ZEB2: variants seen among roughly 807,000 people sequenced by gnomAD.
The protein encoded by ZEB2 is zinc finger E-box-binding homeobox 2.
In ZEB2, 6 loss-of-function variants were observed where a neutral mutation model predicts 99.9. The ratio of observed to expected loss-of-function variants is 0.06; its 90% CI spans 0.03 to 0.12. The LOEUF is 0.12. Ranked by LOEUF, ZEB2 falls within the 10% of genes least tolerant of loss-of-function variation. ZEB2 has a pLI of 1.00. For synonymous variants in ZEB2, 517 were observed against 542.5 expected (o/e 0.95, Z 0.65); for missense variants, 969 against 1,502.8 (o/e 0.64, Z 5.87).
At chr2:144,403,650 T>A (rs1703342869) in intron 6 of ZEB2, among the ~76,000 whole-genome samples, 1 of 152,148 alleles carries the variant, frequency 6.6e-6, no homozygotes, top group African/African-American at 2.4e-5. Context: ...TTGTGGAACA[T>A]AAAAATGAAA....
chr2:144,425,059 C>T (rs1038973592), intron 3 of ZEB2, 192 bp from the exon 4 acceptor site: 8 of 609,416 alleles, frequency 1.3e-5, no homozygotes, highest in African/African-American at 1.1e-4. Flanking sequence ...AACTTATTTA[C>T]TTTAAGCATT....
chr2:144,492,286 CA>C (rs1158763686), intron 2 of ZEB2, among the ~76,000 whole-genome samples: 1 of 152,124 alleles, frequency 6.6e-6, no homozygotes, highest in Non-Finnish European at 1.5e-5. Context: ...AAATTTGGAA[CA>C]GGGGTAAGAT....
rs545014383 is a variant in ZEB2 at position 144,416,463 on chromosome 2, T to C, written c.403+8333A>G. ...CCACAGCAATTATTCTACATGTCCA[T>C]GTCTCAAGATTCCAACTGTATTCCT... On this transcript the variant is annotated intron_variant, in intron 4 of 9. Transcript: ENST00000627532. 3.9e-5 allele frequency among the ~76,000 whole-genome samples: 6 copies of C among 152,352 alleles called. No homozygotes were observed. In the South Asian group the frequency reaches 1.2e-3, roughly 32 times the overall value.
chr2:144,486,429 A>G (rs1704598904), intron 2 of ZEB2, among the ~76,000 whole-genome samples: 1 of 152,064 alleles, frequency 6.6e-6, no homozygotes, highest in Admixed American at 6.6e-5. Flanking sequence ...ATAAAATAAA[A>G]GAATGGTCAT....
At chr2:144,433,269 G>T (rs938247367) in intron 2 of ZEB2, among the ~76,000 whole-genome samples, 2 of 152,168 alleles carry the variant, frequency 1.3e-5, no homozygotes, top group African/African-American at 4.8e-5. Context: ...AACAGCATCA[G>T]TATCCAAAAC....
intron 2 of ZEB2, among the ~76,000 whole-genome samples, chr2:144,440,511 ATATATTTTTT>A (rs1172080202): frequency 3.3e-5 from 1 of 30,242 alleles, no homozygotes; most frequent in Non-Finnish European, 6.9e-5. Flanking sequence ...ATATATATAT[ATATATTTTTT>A]TTTTTTTTTT....
chr2:144,519,383 A>G (rs1270779586), intron 1 of ZEB2: 1 of 152,806 alleles, frequency 6.5e-6, no homozygotes, highest in African/African-American at 2.4e-5. Context: ...TAAGCAGACA[A>G]AAACAGACAA....
chr2:144,411,057 CTA>C (rs4008310), intron 4 of ZEB2, among the ~76,000 whole-genome samples: 7,323 of 40,392 alleles, frequency 0.18, 262 homozygotes, highest in Non-Finnish European at 0.2. Context: ...ACAGACATGT[CTA>C]TATATATATA....
intron 2 of ZEB2, chr2:144,496,624 T>C (rs1704763451): frequency 6.6e-6 from 1 of 152,204 alleles, no homozygotes; most frequent in African/African-American, 2.4e-5. Context: ...AATTCCATGA[T>C]TACAGTAACA....
chr2:144,397,972 T>TA, intron 8 of ZEB2: 1 of 361,304 alleles, frequency 2.8e-6, no homozygotes, highest in South Asian at 2.2e-5. Flanking sequence ...GTGACGGTTA[T>TA]AAACTTTAAC....
intron 1 of ZEB2, among the ~76,000 whole-genome samples, chr2:144,519,182 A>T (rs1705223299): frequency 6.6e-6 from 1 of 152,184 alleles, no homozygotes; most frequent in African/African-American, 2.4e-5. Flanking sequence ...TACAATTTTA[A>T]AAGTTATCCT....
At chr2:144,502,052 A>G (rs1704877751) in intron 2 of ZEB2, among the ~76,000 whole-genome samples, 1 of 152,234 alleles carries the variant, frequency 6.6e-6, no homozygotes, top group Non-Finnish European at 1.5e-5. Flanking sequence ...TGGACAATTC[A>G]TCTCAGTCAC....
At chr2:144,500,146 T>C (rs969753897) in intron 2 of ZEB2, among the ~76,000 whole-genome samples, 4 of 152,246 alleles carry the variant, frequency 2.6e-5, no homozygotes, top group Non-Finnish European at 4.4e-5. Context: ...ACACTGATTC[T>C]TACAGGCAAT....
chr2:144,504,058 T>G (rs1704913928), intron 2 of ZEB2: 2 of 145,130 alleles, frequency 1.4e-5, no homozygotes, highest in Non-Finnish European at 3.0e-5. Context: ...GATTGTTCAC[T>G]TTCCTACAAG....
In ZEB2 at chr2:144,424,834, G is replaced by T; in HGVS notation, c.365C>A (p.Pro122Gln). 8 of 1,614,036 alleles carry T rather than the reference G, an allele frequency of 5.0e-6. No homozygotes were observed. The highest frequency in any genetic ancestry group is 6.8e-6 in the Non-Finnish European group (8 of 1,179,920). Residue 122 changes from proline to glutamine, a missense_variant, in exon 4 of 10, where the codon CCA becomes CAA. Physicochemically the swap from Pro to Gln is moderately conservative, Grantham distance 76. Coordinates refer to ENST00000627532, the MANE Select transcript of ZEB2 (RefSeq NM_014795.4). ...AATTGCGGTCTGGATCGTGGCTTCT[G>T]GCCCCATAGTGTCATAGTCTTCCTT... ...EMKEDYDTMG[P>Q]EATIQTAINN...
intron 2 of ZEB2, among the ~76,000 whole-genome samples, chr2:144,436,982 G>A (rs1056246521): frequency 5.9e-5 from 9 of 152,094 alleles, no homozygotes; most frequent in East Asian, 5.8e-4. Flanking sequence ...AAACATATTC[G>A]GGTTTTCCTG....
intron 2 of ZEB2, among the ~76,000 whole-genome samples, chr2:144,451,940 A>G (rs1039155334): frequency 7.9e-5 from 12 of 152,182 alleles, no homozygotes; most frequent in African/African-American, 2.9e-4. Context: ...CTTTTTAAAC[A>G]TAACTATTTT....
intron 2 of ZEB2, among the ~76,000 whole-genome samples, chr2:144,455,623 T>C (rs907023388): frequency 6.6e-6 from 1 of 152,212 alleles, no homozygotes; most frequent in Non-Finnish European, 1.5e-5. Flanking sequence ...AACTTTATAC[T>C]CTTCTATGTA....
At chr2:144,396,687 G>A in intron 8 of ZEB2, 95 bp from the exon 9 acceptor site, 1 of 1,362,016 alleles carries the variant, frequency 7.3e-7, no homozygotes, top group African/African-American at 1.4e-5. Flanking sequence ...CCTCAAAATT[G>A]CTTGCTACTA....
Sources: allele counts gnomAD v4.1 joint callset (sites outside exome capture counted in the v4.1 genomes callset), GRCh38; gene constraint gnomAD v4.1.1; transcripts MANE v1.5; gene names NCBI Gene and HGNC (gene_info 2026-07-23, HGNC 2026-07-21).